Variants in FSTL5 observed in about 807,000 individuals in gnomAD.
The protein encoded by FSTL5 is follistatin-related protein 5.
Under a neutral mutation model 89.1 loss-of-function variants are expected in FSTL5, and 62 were observed. The observed-to-expected ratio is 0.70, with a 90% confidence interval of 0.57 to 0.86. The LOEUF is 0.86. Ranked by LOEUF, FSTL5 falls within the 40% of genes least tolerant of loss-of-function variation. FSTL5 has a pLI of 0.00. For synonymous variants in FSTL5, 383 were observed against 346.2 expected (o/e 1.11, Z -1.18); for missense variants, 1,057 against 1,001.6 (o/e 1.06, Z -0.75).
At chr4:161,842,477 A>G (rs1316165990) in intron 4 of FSTL5, among the ~76,000 whole-genome samples, 3 of 152,162 alleles carry the variant, frequency 2.0e-5, no homozygotes, top group Admixed American at 6.5e-5. Flanking sequence ...ATATTACACT[A>G]CTTAATAATT....
chr4:161,547,297 A>G (rs556219985), intron 8 of FSTL5, among the ~76,000 whole-genome samples: 1 of 152,154 alleles, frequency 6.6e-6, no homozygotes, highest in African/African-American at 2.4e-5. Context: ...CTGTTCTCAA[A>G]TTATTTGATT....
At chr4:161,636,503 G>C (rs1465985458) in intron 7 of FSTL5, among the ~76,000 whole-genome samples, 1 of 130,778 alleles carries the variant, frequency 7.6e-6, no homozygotes, top group Non-Finnish European at 1.6e-5. Flanking sequence ...GGGTACATGT[G>C]CACATTGCGC....
Position 161,920,499 on chromosome 4 carries a change from C to T in FSTL5, c.314G>A (p.Gly105Glu), listed in dbSNP as rs773979170. The part of the protein sequence containing the change: ...RHYKPVCGSD[G>E]EFYENHCEVH... ...TTCACAGTGGTTTTCATAGAATTCT[C>T]CGTCAGATCCACACACAGGTTTGTA... Residue 105 changes from glycine to glutamate, a missense_variant, in exon 4 of 16, where the codon GGA becomes GAA. Gly to Glu is a moderately conservative substitution (Grantham distance 98). This residue lies in a region of FSTL5 where 980 missense variants were observed against 903.2 expected (regional missense o/e 1.08). Coordinates refer to ENST00000306100, the MANE Select transcript of FSTL5 (RefSeq NM_020116.5). 2 of 1,613,910 alleles carry T rather than the reference C, an allele frequency of 1.2e-6. No homozygotes were observed. The highest frequency in any genetic ancestry group is 1.7e-5 in the Admixed American group (1 of 59,992).
At chr4:161,837,794 G>A (rs1339198279) in intron 4 of FSTL5, among the ~76,000 whole-genome samples, 1 of 152,054 alleles carries the variant, frequency 6.6e-6, no homozygotes, top group East Asian at 1.9e-4. Flanking sequence ...TATGGCCTAT[G>A]AAGTGGATGC....
intron 6 of FSTL5, among the ~76,000 whole-genome samples, chr4:161,698,589 A>G (rs896133410): frequency 6.6e-6 from 1 of 152,176 alleles, no homozygotes; most frequent in African/African-American, 2.4e-5. Flanking sequence ...TCACAGCATT[A>G]ATGAAAGTTT....
chr4:161,922,012 AT>A (rs1553982634), intron 3 of FSTL5, among the ~76,000 whole-genome samples: 2 of 152,068 alleles, frequency 1.3e-5, no homozygotes, highest in Non-Finnish European at 2.9e-5. Context: ...TCATACATTA[AT>A]TTTATTTTCA....
At position 161,894,187 on chromosome 4, in the gene FSTL5, G is replaced by T. The variant is rs79533900; in HGVS notation, c.409+26217C>A. ...ATGAGTGTTTGGATGAGGTCATACA[G>T]TAAGAGGTGGAGCACAGGTTAATAT... On this transcript the variant is annotated intron_variant, in intron 4 of 15. Transcript: ENST00000306100. 3.4e-3 allele frequency among the ~76,000 whole-genome samples: 512 copies of T among 152,262 alleles called. 10 individuals carry two copies. The South Asian group carries it at 0.047, about 14-fold the overall frequency.
At chr4:161,959,508 C>T (rs2110975512) in intron 3 of FSTL5, among the ~76,000 whole-genome samples, 1 of 152,086 alleles carries the variant, frequency 6.6e-6, no homozygotes, top group African/African-American at 2.4e-5. Context: ...CTGTAGAGCT[C>T]TTACATAACA....
chr4:161,832,462 T>C (rs903207701), intron 4 of FSTL5, among the ~76,000 whole-genome samples: 2 of 152,074 alleles, frequency 1.3e-5, no homozygotes, highest in South Asian at 2.1e-4. Context: ...ATGGTACCAG[T>C]TCCTCCTTGT....
At position 161,385,821 on chromosome 4, in the gene FSTL5, G is replaced by A. The variant is rs776031059; in HGVS notation, c.2470C>T (p.Arg824Ter). The A allele has an allele frequency of 2.5e-6, 4 of 1,612,822 alleles. No homozygotes were observed. The highest frequency in any genetic ancestry group is 2.2e-5 in the South Asian group (2 of 90,876). ...ATCTCACAGTTTAATTTATTGAGTC[G>A]TCCATCTAGGATGAAGAGAGAGTCC... Reference protein sequence around the residue: ...SKDSLFILDGRLNKLNCEITE... With the variant: ...SKDSLFILDG Residue 824 changes from arginine (R) to a stop codon, truncating the protein, a stop_gained, in exon 16 of 16, where the codon CGA (arginine) becomes TGA (stop). Transcript: ENST00000306100. LOFTEE classifies it high-confidence loss of function.
intron 3 of FSTL5, among the ~76,000 whole-genome samples, chr4:161,975,448 T>C (rs1159819519): frequency 1.3e-5 from 2 of 151,198 alleles, no homozygotes. Flanking sequence ...TTCATGTCCT[T>C]TGTAGGGACA....
intron 7 of FSTL5, among the ~76,000 whole-genome samples, chr4:161,606,832 C>A (rs1318788848): frequency 6.6e-6 from 1 of 151,760 alleles, no homozygotes; most frequent in African/African-American, 2.4e-5. Flanking sequence ...GCATTACAAG[C>A]AAAATACAGA....
At chr4:162,062,460 C>T (rs938999497) in intron 2 of FSTL5, among the ~76,000 whole-genome samples, 4 of 151,826 alleles carry the variant, frequency 2.6e-5, no homozygotes, top group African/African-American at 9.7e-5. Context: ...CTATCCAGTA[C>T]AGTACCGGCC....
intron 4 of FSTL5, among the ~76,000 whole-genome samples, chr4:161,905,645 C>G (rs1182973960): frequency 6.6e-6 from 1 of 152,058 alleles, no homozygotes; most frequent in East Asian, 1.9e-4. Context: ...CACTGATGTT[C>G]AAAGCTAAGG....
At chr4:161,667,601 T>C (rs530882844) in intron 6 of FSTL5, among the ~76,000 whole-genome samples, 1 of 152,206 alleles carries the variant, frequency 6.6e-6, no homozygotes, top group Non-Finnish European at 1.5e-5. Flanking sequence ...TAAAAGAAAA[T>C]AATTGTGAGT....
intron 3 of FSTL5, among the ~76,000 whole-genome samples, chr4:161,938,758 G>T (rs1734499644): frequency 6.6e-6 from 1 of 151,852 alleles, no homozygotes; most frequent in African/African-American, 2.4e-5. Flanking sequence ...AGAGCACTTG[G>T]TTATAAGATC....
At chr4:161,536,267 TAAAG>T (rs1170260319) in intron 10 of FSTL5, among the ~76,000 whole-genome samples, 3 of 151,992 alleles carry the variant, frequency 2.0e-5, no homozygotes, top group African/African-American at 4.8e-5. Context: ...ATAAAAATAA[TAAAG>T]AAAGAAAATA....
chr4:161,808,791 C>A (rs1730051062), intron 4 of FSTL5, among the ~76,000 whole-genome samples: 3 of 152,080 alleles, frequency 2.0e-5, no homozygotes, highest in Non-Finnish European at 4.4e-5. Context: ...TGCCTTACAA[C>A]TCAAAAACAA....
intron 15 of FSTL5, among the ~76,000 whole-genome samples, chr4:161,418,016 T>C (rs28555400): frequency 0.087 from 13,302 of 152,204 alleles, 652 homozygotes; most frequent in Non-Finnish European, 0.12. Context: ...AAAAATCAAT[T>C]CCCAGCCAGG....
Sources: allele counts gnomAD v4.1 joint callset (sites outside exome capture counted in the v4.1 genomes callset), GRCh38; gene constraint gnomAD v4.1.1; regional missense constraint gnomAD v4.1.1; transcripts MANE v1.5; gene names NCBI Gene and HGNC (gene_info 2026-07-23, HGNC 2026-07-21).